The following DOK6 variants were observed in gnomAD, a reference collection of about 807,000 sequenced individuals.
DOK6 encodes downstream of tyrosine kinase 6.
A neutral mutation model predicts 44.0 loss-of-function variants in DOK6; 22 were observed. That is an observed-to-expected ratio of 0.50 (90% CI 0.36 to 0.71). The LOEUF (loss-of-function observed/expected upper bound fraction) is 0.71. Ranked by LOEUF, DOK6 falls within the 30% of genes least tolerant of loss-of-function variation. DOK6 has a pLI of 0.00. For synonymous variants in DOK6, 166 were observed against 145.5 expected (o/e 1.14, Z -1.01); for missense variants, 340 against 416.4 (o/e 0.82, Z 1.60).
chr18:69,819,121 T>C (rs72953819), intron 7 of DOK6, among the ~76,000 whole-genome samples: 18,160 of 152,210 alleles, frequency 0.12, 1,117 homozygotes, highest in East Asian at 0.17. Flanking sequence ...TTAGGCAGTA[T>C]CATCTCCATA....
intron 7 of DOK6, among the ~76,000 whole-genome samples, chr18:69,817,033 C>T (rs1315803592): frequency 4.6e-5 from 7 of 152,158 alleles, no homozygotes; most frequent in Non-Finnish European, 1.5e-5. Context: ...TAGACACATA[C>T]CTTCAATAAA....
intron 7 of DOK6, among the ~76,000 whole-genome samples, chr18:69,773,842 GA>G (rs1377966751): frequency 2.0e-5 from 3 of 151,396 alleles, no homozygotes; most frequent in Non-Finnish European, 4.4e-5. Flanking sequence ...AACCACTATG[GA>G]AAACAGTCTG....
In DOK6 at chr18:69,844,159, T is replaced by G. The variant is rs1982297567; in HGVS notation, c.*2776T>G. On this transcript the variant is annotated 3_prime_UTR_variant, in exon 8 of 8. Coordinates refer to ENST00000382713, the MANE Select transcript of DOK6 (RefSeq NM_152721.6). ...TGGGGATGCCTCTACACTTTGTAAG[T>G]CATTTCTCCCTTCAAAAATTGTATT... The G allele has an allele frequency of 6.6e-6, 1 of 152,194 alleles. No individual in the cohort carries two copies. Among genetic ancestry groups the G allele is most frequent in the Non-Finnish European group, 1.5e-5 (1 of 68,032 alleles). 9.4% of individuals were successfully genotyped at this position (152,194 alleles called of 1,614,324 possible).
chr18:69,454,982 C>T (rs1029769953), intron 1 of DOK6, among the ~76,000 whole-genome samples: 3 of 143,376 alleles, frequency 2.1e-5, no homozygotes, highest in Admixed American at 7.0e-5. Flanking sequence ...GTGGGTGCAG[C>T]GCACCAGCAT....
chr18:69,714,760 T>C (rs1193199163), intron 5 of DOK6, among the ~76,000 whole-genome samples: 2 of 152,236 alleles, frequency 1.3e-5, no homozygotes, highest in Non-Finnish European at 2.9e-5. Context: ...TCATTAAATA[T>C]TTAGCAATAT....
intron 1 of DOK6, among the ~76,000 whole-genome samples, chr18:69,453,643 C>A: frequency 1.2e-5 from 1 of 80,394 alleles, no homozygotes; most frequent in Non-Finnish European, 2.2e-5. Context: ...CATCACACTA[C>A]CTGACTTCAA....
At chr18:69,511,812 A>T (rs1361776340) in intron 1 of DOK6, among the ~76,000 whole-genome samples, 1 of 152,198 alleles carries the variant, frequency 6.6e-6, no homozygotes, top group Admixed American at 6.5e-5. Context: ...TCTTTCACTA[A>T]ATCTCTTCTA....
At chr18:69,432,390 G>T (rs1207653669) in intron 1 of DOK6, among the ~76,000 whole-genome samples, 2 of 152,194 alleles carry the variant, frequency 1.3e-5, no homozygotes, top group African/African-American at 4.8e-5. Context: ...GCTGCAGTGA[G>T]CCGAGATCAT....
chr18:69,479,603 A>G (rs1267728549), intron 1 of DOK6, among the ~76,000 whole-genome samples: 1 of 152,180 alleles, frequency 6.6e-6, no homozygotes, highest in Non-Finnish European at 1.5e-5. Flanking sequence ...GAACCAATTC[A>G]TTAATACAAG....
chr18:69,587,040 A>G (rs544052901), intron 2 of DOK6, among the ~76,000 whole-genome samples: 2 of 152,314 alleles, frequency 1.3e-5, no homozygotes, highest in East Asian at 1.9e-4. Context: ...GGGGCTATAT[A>G]GAAAATTTTC....
intron 3 of DOK6, chr18:69,663,250 C>T (rs1438619098): frequency 6.6e-6 from 1 of 152,100 alleles, no homozygotes; most frequent in East Asian, 1.9e-4. Flanking sequence ...GTCCTGACTT[C>T]TAAGGTTTAT....
intron 1 of DOK6, among the ~76,000 whole-genome samples, chr18:69,430,001 A>G (rs1466043731): frequency 6.6e-6 from 1 of 152,120 alleles, no homozygotes; most frequent in Non-Finnish European, 1.5e-5. Context: ...ATCTCAGTGC[A>G]TAAAGGGTTA....
intron 3 of DOK6, among the ~76,000 whole-genome samples, chr18:69,617,704 G>GAA: frequency 7.3e-5 from 3 of 41,038 alleles, no homozygotes; most frequent in Non-Finnish European, 2.0e-4. Context: ...AAGACGGAAA[G>GAA]AGAAAAGAAA....
intron 1 of DOK6, among the ~76,000 whole-genome samples, chr18:69,431,030 C>G (rs1419376442): frequency 6.6e-6 from 1 of 152,132 alleles, no homozygotes; most frequent in Non-Finnish European, 1.5e-5. Context: ...CATAAGACCA[C>G]CATTGACAGC....
At chr18:69,458,110 G>T (rs7240065) in intron 1 of DOK6, among the ~76,000 whole-genome samples, 1 of 151,964 alleles carries the variant, frequency 6.6e-6, no homozygotes, top group South Asian at 2.1e-4. Context: ...GCAAGCCAAG[G>T]TCATGCCATT....
At chr18:69,408,151 T>C (rs746307359) in intron 1 of DOK6, among the ~76,000 whole-genome samples, 1 of 152,318 alleles carries the variant, frequency 6.6e-6, no homozygotes, top group Middle Eastern at 3.4e-3. Flanking sequence ...TTCAGTGTAA[T>C]AGCTGTTATA....
intron 3 of DOK6, among the ~76,000 whole-genome samples, chr18:69,628,357 G>T (rs978129997): frequency 4.6e-5 from 7 of 152,146 alleles, no homozygotes; most frequent in Non-Finnish European, 7.3e-5. Flanking sequence ...AGGTTTCATG[G>T]CCCATGCCTG....
At chr18:69,730,085 C>G (rs993281802) in intron 5 of DOK6, among the ~76,000 whole-genome samples, 2 of 152,086 alleles carry the variant, frequency 1.3e-5, no homozygotes, top group African/African-American at 2.4e-5. Flanking sequence ...GAGATACAGC[C>G]AAGTAAAAAG....
intron 3 of DOK6, among the ~76,000 whole-genome samples, chr18:69,666,652 G>T (rs1273312811): frequency 6.6e-6 from 1 of 152,132 alleles, no homozygotes; most frequent in Non-Finnish European, 1.5e-5. Flanking sequence ...TTTCCACATA[G>T]TGGGACTCAA....
Sources: gnomAD v4.1 joint callset for allele counts (sites outside exome capture counted in the v4.1 genomes callset) on GRCh38, gnomAD v4.1.1 for gene constraint, MANE v1.5 for transcripts, NCBI Gene and HGNC (gene_info 2026-07-23, HGNC 2026-07-21) for gene names.